BTBD7: variants seen among roughly 807,000 people sequenced by gnomAD.
The protein encoded by BTBD7 is BTB domain containing 7.
In BTBD7, 38 loss-of-function variants were observed where a neutral mutation model predicts 99.9. The observed-to-expected ratio is 0.38, with a 90% CI of 0.29 to 0.50. The LOEUF (loss-of-function observed/expected upper bound fraction) is 0.50, where lower values mean the gene tolerates loss of function less well. Ranked by LOEUF, BTBD7 falls within the 20% of genes least tolerant of loss-of-function variation. BTBD7 has a pLI of 0.93. For synonymous variants in BTBD7, 520 were observed against 511.4 expected, an observed-to-expected ratio of 1.02 and a Z score of -0.23; for missense variants, 1,170 against 1,394.6, an observed-to-expected ratio of 0.84 and a Z score of 2.57.
intron 3 of BTBD7, among the ~76,000 whole-genome samples, chr14:93,287,242 G>A (rs1284031709): frequency 9.4e-5 from 13 of 138,906 alleles, no homozygotes; most frequent in African/African-American, 1.2e-4. Flanking sequence ...AAAAAAAAAA[G>A]TTAACCTTGT....
At chr14:93,247,386 C>T (rs1304139772) in intron 9 of BTBD7, among the ~76,000 whole-genome samples, 4 of 152,142 alleles carry the variant, frequency 2.6e-5, no homozygotes, top group African/African-American at 9.6e-5. Flanking sequence ...CTTGCTCTGT[C>T]ACCCAGGCTG....
rs118035360 is a variant in BTBD7 at position 93,329,080 on chromosome 14, A to T, written c.-107+3740T>A. ...GTGTACATCAAAGGACGCTATCAAC[A>T]GGGTGAAAAGGCAGCCTACAGAATG... On this transcript the variant is annotated intron_variant, in intron 1 of 10. Coordinates refer to ENST00000334746, the MANE Select transcript of BTBD7 (RefSeq NM_001002860.4). Among the ~76,000 whole-genome samples, 314 of 152,332 alleles carry T rather than the reference A, an allele frequency of 2.1e-3. 5 individuals carry two copies. The East Asian group carries it at 0.023, about 11-fold the overall frequency.
chr14:93,242,177 A>C lies in BTBD7; in HGVS notation c.*96T>G. 9.2e-7 allele frequency: 1 copy of C among 1,089,732 alleles called. No homozygotes were observed. The highest frequency in any genetic ancestry group is 1.3e-6 in the Non-Finnish European group (1 of 748,740). 67.5% of individuals were successfully genotyped at this position (1,089,732 alleles called of 1,614,324 possible). A position where few individuals can be genotyped will look rare whatever the true frequency, so the allele number is the denominator to read the frequency against. On this transcript the variant is annotated 3_prime_UTR_variant, in exon 11 of 11. Coordinates refer to ENST00000334746, the MANE Select transcript of BTBD7 (RefSeq NM_001002860.4). ...GAACAAAATCATGTGAAACCGAGTT[A>C]TCAGCTGGCATTGATGAACTGGTCT... is the stretch of plus-strand genomic sequence containing the variant.
chr14:93,283,230 A>G (rs1376126210), intron 3 of BTBD7, among the ~76,000 whole-genome samples: 3 of 152,060 alleles, frequency 2.0e-5, no homozygotes, highest in African/African-American at 7.2e-5. Flanking sequence ...AGTGTGTGCC[A>G]CCCACTCGGC....
At chr14:93,328,568 A>C (rs2053359664) in intron 1 of BTBD7, among the ~76,000 whole-genome samples, 1 of 149,218 alleles carries the variant, frequency 6.7e-6, no homozygotes, top group Non-Finnish European at 1.5e-5. Flanking sequence ...ATAGATATCC[A>C]CACATAAAGA....
rs190102038 is a variant in BTBD7, at chr14:93,289,790, G to A, written c.1162+4068C>T. On this transcript the variant is annotated intron_variant, in intron 3 of 10. Coordinates refer to ENST00000334746, the MANE Select transcript of BTBD7 (RefSeq NM_001002860.4). Reference sequence around the variant, plus strand: ...ATCTACTTGTGATTGCCTACTGCCTGCTCCTCCCTACTGATATAAAACACA... The same window carrying A: ...ATCTACTTGTGATTGCCTACTGCCTACTCCTCCCTACTGATATAAAACACA... Among the ~76,000 whole-genome samples the A allele has an allele frequency of 4.6e-5, 7 of 150,790 alleles. No homozygotes were observed. In the East Asian group the frequency reaches 1.2e-3, roughly 25 times the overall value.
rs1464129488 is a variant in BTBD7 at position 93,288,288 on chromosome 14, G to A, written c.1162+5570C>T. 2.1e-5 allele frequency: 12 copies of A among 568,096 alleles called. No homozygotes were observed. In the Admixed American group the frequency reaches 3.1e-4, roughly 15 times the overall value. The allele number at this position is 568,096 out of a possible 1,614,324, so 35.2% of individuals were successfully genotyped here. A position where few individuals can be genotyped will look rare whatever the true frequency, so the allele number is the denominator to read the frequency against. ...TTTCTAAAGCCACTATTTGTTAGAT[G>A]TTAGACCCTGGATGAATACTCTAGT... On this transcript the variant is annotated intron_variant, in intron 3 of 10. Transcript: ENST00000334746.
chr14:93,263,808 C>T lies in BTBD7; in HGVS notation c.1348G>A (p.Ala450Thr). ...YELSKDHLLT[A>T]IQSDYLQASE... ...ACCTGTAGGTAGTCAGACTGGATAG[C>T]AGTAAGCAGATGGTCTTTGCTGAGT... is the stretch of plus-strand genomic sequence containing the variant. Residue 450 changes from alanine to threonine, a missense_variant, in exon 4 of 11, where the codon GCT becomes ACT. Around this residue, in one of 4 missense-constraint regions of BTBD7, gnomAD observed 309 missense variants for 342.0 expected, o/e 0.90. Coordinates refer to ENST00000334746, the MANE Select transcript of BTBD7 (RefSeq NM_001002860.4). 1.2e-6 allele frequency: 2 copies of T among 1,614,050 alleles called. No individual in the cohort carries two copies. The highest frequency in any genetic ancestry group is 1.7e-6 in the Non-Finnish European group (2 of 1,179,968).
At chr14:93,256,922 C>A (rs2052436664) in intron 6 of BTBD7, 1 of 381,680 alleles carries the variant, frequency 2.6e-6, no homozygotes, top group Admixed American at 4.4e-5. Flanking sequence ...ACTTGATCTA[C>A]ACTTAAATGA....
chr14:93,321,038 G>A (rs1303007161), intron 1 of BTBD7, among the ~76,000 whole-genome samples: 1 of 152,132 alleles, frequency 6.6e-6, no homozygotes, highest in African/African-American at 2.4e-5. Context: ...GGGCAAAAAG[G>A]AATTAAGAGA....
intron 6 of BTBD7, chr14:93,256,934 A>G (rs2052436766): frequency 7.3e-6 from 3 of 409,356 alleles, no homozygotes; most frequent in Non-Finnish European, 1.3e-5. Context: ...CTTAAATGAC[A>G]GAATTAACTC....
rs2052490667 is a variant in BTBD7, at chr14:93,261,674, T to C, written c.1375A>G (p.Ser459Gly). Residue 459 changes from serine to glycine, a missense_variant, in exon 5 of 11, where the codon AGT becomes GGT. Transcript: ENST00000334746. ...AGATATTTAAGGATATCTTGTTCAC[T>C]TGCCTATAATAAAAAATGGTTTATA... is the stretch of plus-strand genomic sequence containing the variant. Reference protein sequence around the residue: ...TAIQSDYLQASEQDILKYLIK... With the variant: ...TAIQSDYLQAGEQDILKYLIK... 3.7e-6 allele frequency: 6 copies of C among 1,601,902 alleles called. No individual in the cohort carries two copies. The highest frequency in any genetic ancestry group is 5.1e-6 in the Non-Finnish European group (6 of 1,172,306).
At chr14:93,323,931 T>G (rs1443517012) in intron 1 of BTBD7, among the ~76,000 whole-genome samples, 1 of 152,222 alleles carries the variant, frequency 6.6e-6, no homozygotes, top group African/African-American at 2.4e-5. Context: ...GTGACACTAT[T>G]AGACACTGTG....
chr14:93,251,747 A>G, intron 7 of BTBD7, 95 bp from the exon 8 acceptor site: 1 of 1,095,740 alleles, frequency 9.1e-7, no homozygotes, highest in South Asian at 3.1e-5. Flanking sequence ...ATAAAAAGGG[A>G]ATTAATTTAT....
chr14:93,266,477 C>A (rs1348793200), intron 3 of BTBD7, among the ~76,000 whole-genome samples: 5 of 151,448 alleles, frequency 3.3e-5, no homozygotes, highest in Admixed American at 3.3e-4. Flanking sequence ...TCTTTAAATG[C>A]CTCTTCACGA....
intron 1 of BTBD7, among the ~76,000 whole-genome samples, chr14:93,332,534 T>C (rs2053452892): frequency 1.3e-5 from 2 of 150,646 alleles, no homozygotes; most frequent in Admixed American, 1.3e-4. Context: ...CGGGCCGCTC[T>C]CCCCGCCCCG....
chr14:93,329,839 G>T (rs144981006), intron 1 of BTBD7, among the ~76,000 whole-genome samples: 1 of 152,286 alleles, frequency 6.6e-6, no homozygotes, highest in African/African-American at 2.4e-5. Flanking sequence ...ATGAGCCTAA[G>T]AAAACTCCAA....
In BTBD7 at chr14:93,293,763, A is replaced by T. The variant is rs2052886056; in HGVS notation, c.1162+95T>A. 5 of 1,467,834 alleles carry T rather than the reference A, an allele frequency of 3.4e-6. No individual in the cohort carries two copies. In the South Asian group the frequency reaches 4.2e-5, roughly 12 times the overall value. 90.9% of individuals were successfully genotyped at this position (1,467,834 alleles called of 1,614,324 possible). Reference sequence around the variant, plus strand: ...AAAAAAACTGACCCTGTAACATCCCAAACACTGAAATCATAGAATATACTG... The same window carrying T: ...AAAAAAACTGACCCTGTAACATCCCTAACACTGAAATCATAGAATATACTG... On this transcript the variant is annotated intron_variant, in intron 3 of 10. Transcript: ENST00000334746.
In BTBD7 at chr14:93,308,219, G is replaced by A. The variant is rs143649861; in HGVS notation, c.-106-12062C>T. ...GGAGAATGGCGTGAGCCTGGGAGGC[G>A]GAGCTTGCAGTGAGCTGAGATCGCA... On this transcript the variant is annotated intron_variant, in intron 1 of 10. Transcript: ENST00000334746. 3.8e-3 allele frequency among the ~76,000 whole-genome samples: 576 copies of A among 151,286 alleles called. 2 individuals carry two copies. Among genetic ancestry groups the A allele is most frequent in the African/African-American group, 0.013 (546 of 41,098 alleles).
Sources: allele counts gnomAD v4.1 joint callset (sites outside exome capture counted in the v4.1 genomes callset), GRCh38; gene constraint gnomAD v4.1.1; regional missense constraint gnomAD v4.1.1; transcripts MANE v1.5; gene names NCBI Gene and HGNC (gene_info 2026-07-23, HGNC 2026-07-21).